SART3: variants seen among roughly 807,000 people sequenced by gnomAD.
SART3 encodes the protein HIV-1 Tat-interacting protein of 110kDa.
In SART3, 44 loss-of-function variants were observed where a neutral mutation model predicts 122.3. That is an observed-to-expected ratio of 0.36 (90% CI 0.28 to 0.46). The LOEUF (loss-of-function observed/expected upper bound fraction) is 0.46. SART3 is among the 20% of genes least tolerant of loss of function. The pLI, the probability that SART3 is intolerant of heterozygous loss-of-function variation, is 1.00. For synonymous variants in SART3, 442 were observed against 454.0 expected (o/e 0.97, Z 0.34); for missense variants, 1,101 against 1,229.0 (o/e 0.90, Z 1.56).
At chr12:108,548,282 CTAA>C (rs1292634548) in intron 2 of SART3, among the ~76,000 whole-genome samples, 1 of 152,198 alleles carries the variant, frequency 6.6e-6, no homozygotes, top group Non-Finnish European at 1.5e-5. Flanking sequence ...GATAGTAACA[CTAA>C]TAATAATGAC....
chr12:108,555,391 G>T (rs1265937330), intron 1 of SART3, among the ~76,000 whole-genome samples: 1 of 152,180 alleles, frequency 6.6e-6, no homozygotes, highest in East Asian at 1.9e-4. Context: ...TTGGCCGGGG[G>T]CGGTGGCTCA....
At chr12:108,523,743 GA>G (rs34982944) in intron 18 of SART3, 109 bp from the exon 19 acceptor site, 1,552 of 704,220 alleles carry the variant, frequency 2.2e-3, no homozygotes, top group Admixed American at 2.5e-3. Flanking sequence ...GTTAAAAGGT[GA>G]AAAAAAAAAA....
chr12:108,552,500 G>A (rs1421490979), intron 1 of SART3, among the ~76,000 whole-genome samples: 2 of 137,284 alleles, frequency 1.5e-5, no homozygotes, highest in African/African-American at 5.6e-5. Flanking sequence ...CAAAAATAGT[G>A]AACTGAGCAA....
At chr12:108,531,332 A>G (rs1438653387) in intron 13 of SART3, 52 bp from the exon 14 acceptor site, 2 of 1,442,062 alleles carry the variant, frequency 1.4e-6, no homozygotes, top group South Asian at 1.1e-5. Flanking sequence ...TGAAGGATAC[A>G]ATCACATAAA....
intron 14 of SART3, among the ~76,000 whole-genome samples, 200 bp downstream of exon 14, chr12:108,531,004 G>A (rs1872657991): frequency 6.6e-6 from 1 of 152,138 alleles, no homozygotes; most frequent in African/African-American, 2.4e-5. Context: ...AATGAAACAA[G>A]TACTTAATAT....
chr12:108,529,303 G>GCACA (rs140994738), intron 15 of SART3, among the ~76,000 whole-genome samples: 1 of 150,832 alleles, frequency 6.6e-6, no homozygotes, highest in Non-Finnish European at 1.5e-5. Context: ...ACACGCACAC[G>GCACA]CACACACACA....
At chr12:108,537,682 A>C (rs952356360) in intron 8 of SART3, 87 bp from the exon 9 acceptor site, 3 of 969,730 alleles carry the variant, frequency 3.1e-6, no homozygotes, top group Admixed American at 1.9e-5. Context: ...ATAAAACACT[A>C]CATGACTTTA....
chr12:108,530,472 T>C (rs940367834), intron 14 of SART3, among the ~76,000 whole-genome samples, 162 bp from the exon 15 acceptor site: 13 of 152,178 alleles, frequency 8.5e-5, no homozygotes, highest in Non-Finnish European at 1.5e-4. Flanking sequence ...CCAGGGCTCA[T>C]TCAGGTTCGT....
Position 108,561,164 on chromosome 12 carries a change from C to T in SART3, c.-10G>A, listed in dbSNP as rs778981234. Reference sequence around the variant, plus strand: ...CGGCCGCAGTCGCCATCTTGCGCTTCTAATGACTCTCGGGTCTTCCCGCGG... The same window carrying T: ...CGGCCGCAGTCGCCATCTTGCGCTTTTAATGACTCTCGGGTCTTCCCGCGG... On this transcript the variant is annotated 5_prime_UTR_variant, in exon 1 of 19. Transcript: ENST00000546815. 1.9e-6 allele frequency: 3 copies of T among 1,612,360 alleles called. No homozygotes were observed. Among genetic ancestry groups the T allele is most frequent in the East Asian group, 2.2e-5 (1 of 44,802 alleles).
chr12:108,531,976 C>A lies in SART3; in HGVS notation c.1669+246G>T, dbSNP rs138553948. 242 of 481,664 alleles carry A rather than the reference C, an allele frequency of 5.0e-4. No individual in the cohort carries two copies. The Middle Eastern group carries it at 5.5e-3, about 11-fold the overall frequency. 29.8% of individuals were successfully genotyped at this position (481,664 alleles called of 1,614,324 possible). On this transcript the variant is annotated intron_variant, in intron 13 of 18. Coordinates refer to ENST00000546815, the MANE Select transcript of SART3 (RefSeq NM_014706.4). ...CCCTAAACATTGTATAACGCACAGT[C>A]CCCCCCACAGAGAATTAGAACCCTG... is the stretch of plus-strand genomic sequence containing the variant.
intron 6 of SART3, among the ~76,000 whole-genome samples, chr12:108,540,141 A>C (rs1873092373): frequency 1.0e-5 from 1 of 97,486 alleles, no homozygotes; most frequent in Admixed American, 1.2e-4. Context: ...CAGCAAACCA[A>C]ATCAATGAGA....
In SART3 at chr12:108,523,399, G is replaced by A. The variant is rs1872215635; in HGVS notation, c.*58C>T. The A allele has an allele frequency of 4.4e-6, 7 of 1,573,892 alleles. No homozygotes were observed. Among genetic ancestry groups the A allele is most frequent in the Non-Finnish European group, 6.1e-6 (7 of 1,145,200 alleles). ...TCCATCCCCAGTGCACTGCTGGGTG[G>A]TGGGAGGTCCGCCGGGCCAGAGTGA... On this transcript the variant is annotated 3_prime_UTR_variant, in exon 19 of 19. Transcript: ENST00000546815.
intron 15 of SART3, 22 bp downstream of exon 15, chr12:108,530,120 C>G (rs1173579093): frequency 1.9e-6 from 3 of 1,613,928 alleles, no homozygotes; most frequent in Non-Finnish European, 2.5e-6. Context: ...TTTCAAAACA[C>G]AATTTCTCAA....
At chr12:108,548,413 G>A (rs1873534437) in intron 2 of SART3, among the ~76,000 whole-genome samples, 1 of 152,192 alleles carries the variant, frequency 6.6e-6, no homozygotes, top group Non-Finnish European at 1.5e-5. Flanking sequence ...TTAACTGCTA[G>A]AAAAACTGAG....
chr12:108,552,638 A>T (rs903749437), intron 1 of SART3, among the ~76,000 whole-genome samples: 3 of 152,108 alleles, frequency 2.0e-5, no homozygotes, highest in Non-Finnish European at 4.4e-5. Flanking sequence ...GTGTATATTT[A>T]AAAAGTTTAC....
In SART3 at chr12:108,522,218, A is replaced by G. The variant is rs943069755; in HGVS notation, c.*1239T>C. Among the ~76,000 whole-genome samples, 6 of 152,216 alleles carry G rather than the reference A, an allele frequency of 3.9e-5. No individual in the cohort carries two copies. Among genetic ancestry groups the G allele is most frequent in the South Asian group, 2.1e-4 (1 of 4,822 alleles). On this transcript the variant is annotated 3_prime_UTR_variant, in exon 19 of 19. Coordinates refer to ENST00000546815, the MANE Select transcript of SART3 (RefSeq NM_014706.4). ...TGAGGAATGCTGGAAGCTGAATGGTAGGCACACAGGAGTTTATTTTACTGT... is the reference window on the plus strand; with the variant it reads ...TGAGGAATGCTGGAAGCTGAATGGTGGGCACACAGGAGTTTATTTTACTGT...
intron 3 of SART3, among the ~76,000 whole-genome samples, chr12:108,545,985 C>A (rs796744866): frequency 0.11 from 11,215 of 100,952 alleles, 611 homozygotes; most frequent in South Asian, 0.28. Flanking sequence ...AAAAAAAAAA[C>A]ACACATATAA....
At chr12:108,547,244 T>C (rs1057373998) in intron 3 of SART3, among the ~76,000 whole-genome samples, 1 of 152,142 alleles carries the variant, frequency 6.6e-6, no homozygotes, top group African/African-American at 2.4e-5. Flanking sequence ...TAAAGGGAGG[T>C]GAGTCTTCTA....
intron 1 of SART3, among the ~76,000 whole-genome samples, chr12:108,555,558 G>A (rs992632098): frequency 6.6e-6 from 1 of 152,126 alleles, no homozygotes; most frequent in Admixed American, 6.5e-5. Context: ...CCAGCTACTC[G>A]AAAGGCTGAG....
Sources: gnomAD v4.1 joint callset for allele counts (sites outside exome capture counted in the v4.1 genomes callset) on GRCh38, gnomAD v4.1.1 for gene constraint, MANE v1.5 for transcripts, NCBI Gene and HGNC (gene_info 2026-07-23, HGNC 2026-07-21) for gene names.